The following USH2A variants were observed in gnomAD, a reference collection of about 807,000 sequenced individuals.
USH2A encodes Usher syndrome 2A (autosomal recessive, mild).
A neutral mutation model predicts 538.9 loss-of-function variants in USH2A; 443 were observed. The observed-to-expected ratio is 0.82, with a 90% confidence interval of 0.76 to 0.89. The LOEUF (loss-of-function observed/expected upper bound fraction) is 0.89, where lower values mean the gene tolerates loss of function less well. Ranked by LOEUF, USH2A falls within the 40% of genes least tolerant of loss-of-function variation. USH2A has a pLI of 0.00. For synonymous variants in USH2A, 2,413 were observed against 2,273.5 expected, an observed-to-expected ratio of 1.06 and a Z score of -1.75; for missense variants, 6,633 against 6,324.8, an observed-to-expected ratio of 1.05 and a Z score of -1.65.
chr1:215,626,248 CACTA>C (rs1005531994), intron 71 of USH2A, among the ~76,000 whole-genome samples: 4 of 149,406 alleles, frequency 2.7e-5, no homozygotes, highest in East Asian at 2.0e-4. Context: ...TATATATACA[CACTA>C]TATAGACACT....
chr1:216,114,416 T>C (rs1175281018), intron 21 of USH2A, among the ~76,000 whole-genome samples: 2 of 152,124 alleles, frequency 1.3e-5, no homozygotes, highest in African/African-American at 2.4e-5. Context: ...TTATTCATTG[T>C]CCCTAACTAG....
At chr1:215,709,510 A>T (rs1659275695) in intron 61 of USH2A, among the ~76,000 whole-genome samples, 1 of 146,298 alleles carries the variant, frequency 6.8e-6, no homozygotes. Flanking sequence ...TTTGAAAATG[A>T]AATTGAGTTT....
intron 32 of USH2A, among the ~76,000 whole-genome samples, chr1:216,021,004 T>C (rs913585757): frequency 6.6e-6 from 1 of 152,134 alleles, no homozygotes; most frequent in Non-Finnish European, 1.5e-5. Context: ...TACTTGTGCC[T>C]GGCCTCTGAA....
chr1:215,728,636 T>C (rs1299536337), intron 60 of USH2A, among the ~76,000 whole-genome samples: 1 of 150,494 alleles, frequency 6.6e-6, no homozygotes, highest in Non-Finnish European at 1.5e-5. Flanking sequence ...AGAGTGCATA[T>C]GCTTTGTAGA....
chr1:215,628,541 C>T (rs1291418379), intron 71 of USH2A, among the ~76,000 whole-genome samples: 1 of 152,176 alleles, frequency 6.6e-6, no homozygotes, highest in South Asian at 2.1e-4. Context: ...CCTCGGCCTC[C>T]CCAAGTGCTG....
chr1:215,887,244 A>T (rs946513401), intron 41 of USH2A, among the ~76,000 whole-genome samples: 2 of 152,126 alleles, frequency 1.3e-5, no homozygotes, highest in South Asian at 4.1e-4. Context: ...AACAATGTCC[A>T]TTATGTAGTG....
intron 61 of USH2A, among the ~76,000 whole-genome samples, chr1:215,693,150 G>T (rs1197826418): frequency 1.6e-5 from 2 of 126,610 alleles, no homozygotes; most frequent in African/African-American, 6.0e-5. Flanking sequence ...ACACACATAT[G>T]TATTTTTTTT....
intron 21 of USH2A, among the ~76,000 whole-genome samples, chr1:216,149,412 A>G (rs2033788372): frequency 1.3e-5 from 2 of 152,232 alleles, no homozygotes; most frequent in South Asian, 4.2e-4. Context: ...TGGAACCTTC[A>G]TACCCCTTAC....
intron 11 of USH2A, among the ~76,000 whole-genome samples, chr1:216,280,162 T>G (rs1270206696): frequency 6.6e-6 from 1 of 151,306 alleles, no homozygotes; most frequent in African/African-American, 2.4e-5. Context: ...AAAGGACAGT[T>G]AACCTCCAAC....
chr1:215,805,984 C>CAAAA lies in USH2A; in HGVS notation c.9740-6863_9740-6860dup, dbSNP rs57712355. 2.4e-3 allele frequency among the ~76,000 whole-genome samples: 222 copies of CAAAA among 93,492 alleles called. 1 individual carries two copies. Among genetic ancestry groups the CAAAA allele is most frequent in the African/African-American group, 7.1e-3 (212 of 29,810 alleles). The allele number at this position is 93,492 out of a possible 152,430, so 61.3% of individuals were successfully genotyped here. A position where few individuals can be genotyped will look rare whatever the true frequency, so the allele number is the denominator to read the frequency against. On this transcript the variant is annotated intron_variant, in intron 49 of 71. Coordinates refer to ENST00000307340, the MANE Select transcript of USH2A (RefSeq NM_206933.4). ...TTAGTGTATCTTAGAAAGACACAAT[C>CAAAA]AAAAAAAAAAAAAAAAAAGGACAAA...
chr1:216,285,121 A>G (rs898418183), intron 11 of USH2A, among the ~76,000 whole-genome samples: 8 of 152,322 alleles, frequency 5.3e-5, no homozygotes, highest in Admixed American at 3.3e-4. Flanking sequence ...AACTAACAAG[A>G]AGCCAAATGT....
At chr1:215,687,043 A>G (rs2820689) in intron 61 of USH2A, among the ~76,000 whole-genome samples, 19,343 of 151,946 alleles carry the variant, frequency 0.13, 1,399 homozygotes, top group Non-Finnish European at 0.15. Context: ...TTTGAGTGGA[A>G]CCCTCTACAC....
At chr1:216,408,353 C>T (rs911634339) in intron 3 of USH2A, among the ~76,000 whole-genome samples, 1 of 152,110 alleles carries the variant, frequency 6.6e-6, no homozygotes, top group Non-Finnish European at 1.5e-5. Flanking sequence ...ATTGCGCATA[C>T]AGTAGTCCCC....
At chr1:216,106,075 G>A (rs2032723756) in intron 21 of USH2A, among the ~76,000 whole-genome samples, 1 of 149,624 alleles carries the variant, frequency 6.7e-6, no homozygotes, top group African/African-American at 2.4e-5. Context: ...TTATCGTATT[G>A]TTTTAGCAGT....
At chr1:215,810,771 G>T (rs182526695) in intron 49 of USH2A, among the ~76,000 whole-genome samples, 1 of 152,234 alleles carries the variant, frequency 6.6e-6, no homozygotes, top group South Asian at 2.1e-4. Flanking sequence ...TGTTGACATC[G>T]TGAGCTGTAG....
intron 47 of USH2A, among the ~76,000 whole-genome samples, chr1:215,835,985 A>G (rs1016016148): frequency 2.0e-5 from 3 of 152,122 alleles, no homozygotes; most frequent in African/African-American, 2.4e-5. Context: ...GCAACTAAAA[A>G]TATTTGTCCT....
intron 35 of USH2A, among the ~76,000 whole-genome samples, 190 bp downstream of exon 35, chr1:215,992,830 T>C (rs771451714): frequency 3.3e-5 from 5 of 152,202 alleles, no homozygotes; most frequent in Non-Finnish European, 5.9e-5. Flanking sequence ...GGAGCACTTT[T>C]GAGCCACCAA....
At chr1:216,323,448 G>T in intron 8 of USH2A, 26 bp downstream of exon 8, 1 of 1,610,976 alleles carries the variant, frequency 6.2e-7, no homozygotes. Context: ...CAAAAACCTT[G>T]TTGAAAACAA....
chr1:216,075,081 C>G (rs1433404577), intron 27 of USH2A, among the ~76,000 whole-genome samples: 1 of 151,968 alleles, frequency 6.6e-6, no homozygotes, highest in African/African-American at 2.4e-5. Context: ...AATTAATTCA[C>G]AAGATGAAAT....
Sources: gnomAD v4.1 joint callset for allele counts (sites outside exome capture counted in the v4.1 genomes callset) on GRCh38, gnomAD v4.1.1 for gene constraint, MANE v1.5 for transcripts, NCBI Gene and HGNC (gene_info 2026-07-23, HGNC 2026-07-21) for gene names.